The following RPS6KA4 variants were observed in gnomAD, a reference collection of about 807,000 sequenced individuals.
The protein encoded by RPS6KA4 is ribosomal protein S6 kinase alpha-4.
Under a neutral mutation model 89.6 loss-of-function variants are expected in RPS6KA4, and 38 were observed. That is an observed-to-expected ratio of 0.42 (90% CI 0.33 to 0.56). RPS6KA4 has a LOEUF of 0.56. Among genes scored for constraint, RPS6KA4 ranks in the 20% least tolerant of loss-of-function variants. RPS6KA4 has a pLI of 0.07. For missense variants in RPS6KA4, 873 were observed against 1,098.8 expected, an observed-to-expected ratio of 0.79 and a Z score of 2.90; for synonymous variants, 495 against 492.8, an observed-to-expected ratio of 1.00 and a Z score of -0.06.
intron 9 of RPS6KA4, 24 bp from the exon 10 acceptor site, chr11:64,368,108 A>T: frequency 6.2e-7 from 1 of 1,611,460 alleles, no homozygotes; most frequent in Non-Finnish European, 8.5e-7. Context: ...GCCCATGCCC[A>T]TTCCCCGGAC....
Position 64,370,610 on chromosome 11 carries a change from C to T in RPS6KA4, c.2005C>T (p.Arg669Trp), listed in dbSNP as rs1328444508. 8.2e-6 allele frequency: 13 copies of T among 1,584,254 alleles called. No homozygotes were observed. Among genetic ancestry groups the T allele is most frequent in the East Asian group, 4.5e-5 (2 of 44,220 alleles). ...CAAGCGGCTGAAGCTCGAGGGACTG[C>T]GGGGCAGCTCGTGGCTGCAGGACGG... ...PAKRLKLEGL[R>W]GSSWLQDGSA... Residue 669 changes from arginine (R) to tryptophan (W), a missense_variant, in exon 16 of 17, where the codon CGG (arginine) becomes TGG (tryptophan). Coordinates refer to ENST00000334205, the MANE Select transcript of RPS6KA4 (RefSeq NM_003942.3). The surrounding 1 kb of genome is among the most constrained non-coding windows in gnomAD (Gnocchi z 4.1).
At chr11:64,365,051 C>G (rs2036845795) in intron 8 of RPS6KA4, among the ~76,000 whole-genome samples, 1 of 152,200 alleles carries the variant, frequency 6.6e-6, no homozygotes, top group Non-Finnish European at 1.5e-5. Context: ...CCACGCCCGA[C>G]CTTTTCACAC....
intron 2 of RPS6KA4, 91 bp downstream of exon 2, chr11:64,359,540 G>A: frequency 7.3e-7 from 1 of 1,372,100 alleles, no homozygotes; most frequent in South Asian, 1.2e-5. Flanking sequence ...AGGCCACTGA[G>A]CAGGCCCCCC....
intron 10 of RPS6KA4, 100 bp downstream of exon 10, chr11:64,368,360 T>C (rs961455287): frequency 5.2e-6 from 8 of 1,546,380 alleles, no homozygotes; most frequent in Admixed American, 2.0e-5. Context: ...CAGCGTGAGC[T>C]CAGCAAGGTC....
chr11:64,367,734 A>C (rs554944956), intron 9 of RPS6KA4, among the ~76,000 whole-genome samples: 1 of 152,364 alleles, frequency 6.6e-6, no homozygotes, highest in South Asian at 2.1e-4. Flanking sequence ...CTTGCAGAAG[A>C]AGCCAAAGTC....
rs1370126020 is a variant in RPS6KA4 at position 64,368,831 on chromosome 11, A to G, written c.1428+34A>G. On this transcript the variant is annotated intron_variant, in intron 12 of 16. Transcript: ENST00000334205. ...TTCCGGCCAGGGGAGGGCGGAGAGAAAAGGGGCAGGCGGCGGGGCTTGGGG... is the reference window on the plus strand; with the variant it reads ...TTCCGGCCAGGGGAGGGCGGAGAGAGAAGGGGCAGGCGGCGGGGCTTGGGG... The G allele has an allele frequency of 5.8e-6, 9 of 1,539,236 alleles. No homozygotes were observed. In the African/African-American group the frequency reaches 1.2e-4, roughly 21 times the overall value.
intron 2 of RPS6KA4, 70 bp downstream of exon 2, chr11:64,359,519 G>T: frequency 1.3e-6 from 2 of 1,539,432 alleles, no homozygotes; most frequent in Non-Finnish European, 8.9e-7. Context: ...GCTCACTCTT[G>T]GGCCTGGGCC....
Position 64,370,009 on chromosome 11 carries a change from G to C in RPS6KA4, c.1797+116G>C. 1.6e-6 allele frequency: 2 copies of C among 1,221,268 alleles called. No individual in the cohort carries two copies. Among genetic ancestry groups the C allele is most frequent in the Non-Finnish European group, 2.2e-6 (2 of 905,736 alleles). The allele number at this position is 1,221,268 out of a possible 1,614,324, so 75.7% of individuals were successfully genotyped here. A position where few individuals can be genotyped will look rare whatever the true frequency, so the allele number is the denominator to read the frequency against. On this transcript the variant is annotated intron_variant, in intron 14 of 16. Transcript: ENST00000334205. This position sits in a 1 kb window ranked among gnomAD's most constrained non-coding sequence, Gnocchi z 4.1. ...ATCTTGGTGGGGGCGGCTGGGTTTC[G>C]TCCGAAGCTGGGATCGGGGTGGTTC...
rs374476876 is a variant in RPS6KA4 at position 64,361,205 on chromosome 11, G to T, written c.534G>T (p.Thr178=). 6.2e-7 allele frequency: 1 copy of T among 1,613,462 alleles called. No homozygotes were observed. The highest frequency in any genetic ancestry group is 8.5e-7 in the Non-Finnish European group (1 of 1,179,982). Residue 178 remains threonine (T), a synonymous_variant, in exon 5 of 17, where the codon ACG becomes ACT. Coordinates refer to ENST00000334205, the MANE Select transcript of RPS6KA4 (RefSeq NM_003942.3). The surrounding 1 kb of genome is among the most constrained non-coding windows in gnomAD (Gnocchi z 4.7). The part of the protein sequence containing the change: ...LLDSEGHIVL[T]DFGLSKEFLT... ...ACTCCGAGGGCCACATTGTCCTCAC[G>T]GACTTCGGGCTGAGCAAGGAGTTCC... is the stretch of plus-strand genomic sequence containing the variant.
At chr11:64,369,929 G>C in intron 14 of RPS6KA4, 36 bp downstream of exon 14, 1 of 1,482,940 alleles carries the variant, frequency 6.7e-7, no homozygotes, top group Non-Finnish European at 9.0e-7. Flanking sequence ...GGTCAGGGTC[G>C]CTCGGACCTG....
intron 10 of RPS6KA4, 64 bp from the exon 11 acceptor site, chr11:64,368,404 G>A (rs1565072814): frequency 5.2e-6 from 8 of 1,540,556 alleles, no homozygotes; most frequent in Non-Finnish European, 7.0e-6. Context: ...TGGCGGGGCC[G>A]CGGGGCTACC....
intron 8 of RPS6KA4, among the ~76,000 whole-genome samples, chr11:64,363,910 C>A (rs946230222): frequency 6.6e-6 from 1 of 152,168 alleles, no homozygotes; most frequent in Non-Finnish European, 1.5e-5. Context: ...AAAAGTCCAA[C>A]TCAAAATGGT....
Position 64,369,859 on chromosome 11 carries a change from A to T in RPS6KA4, c.1763A>T (p.Glu588Val), listed in dbSNP as rs1242846017. The change falls in exon 14 of 17, where the codon GAG becomes GTG. Residue 588 changes from glutamate (E) to valine (V), a missense_variant. Glu to Val is a moderately radical substitution (Grantham distance 121). Around this residue, in one of 4 missense-constraint regions of RPS6KA4, gnomAD observed 278 missense variants for 284.8 expected, o/e 0.98. Coordinates refer to ENST00000334205, the MANE Select transcript of RPS6KA4 (RefSeq NM_003942.3). ...CTGCTGGCGCAGCAGGGCTACGACG[A>T]GTCCTGCGACCTCTGGAGCCTGGGC... The part of the protein sequence containing the change: ...PELLAQQGYD[E>V]SCDLWSLGVI... 4 of 1,566,892 alleles carry T rather than the reference A, an allele frequency of 2.6e-6. No homozygotes were observed. The highest frequency in any genetic ancestry group is 3.5e-6 in the Non-Finnish European group (4 of 1,156,932).
chr11:64,365,559 G>C, intron 9 of RPS6KA4, 94 bp downstream of exon 9: 2 of 1,419,624 alleles, frequency 1.4e-6, no homozygotes, highest in Non-Finnish European at 1.9e-6. Context: ...CCTAGGCCTT[G>C]TGTCCTGATT....
chr11:64,363,907 C>T (rs2036815446), intron 8 of RPS6KA4, among the ~76,000 whole-genome samples: 2 of 152,056 alleles, frequency 1.3e-5, no homozygotes, highest in Admixed American at 6.6e-5. Flanking sequence ...ACAAAAAGTC[C>T]AACTCAAAAT....
intron 10 of RPS6KA4, 68 bp downstream of exon 10, chr11:64,368,328 G>T (rs1033971776): frequency 1.1e-5 from 17 of 1,576,988 alleles, no homozygotes; most frequent in Non-Finnish European, 1.5e-5. Context: ...GGGACTCTAG[G>T]CCTAGATCCA....
chr11:64,367,118 G>C (rs1428267244), intron 9 of RPS6KA4, among the ~76,000 whole-genome samples: 3 of 152,184 alleles, frequency 2.0e-5, no homozygotes, highest in Non-Finnish European at 1.5e-5. Context: ...ATGACACATA[G>C]TTTATTTTTA....
At chr11:64,366,653 C>A (rs1452854939) in intron 9 of RPS6KA4, among the ~76,000 whole-genome samples, 1 of 152,164 alleles carries the variant, frequency 6.6e-6, no homozygotes, top group Non-Finnish European at 1.5e-5. Flanking sequence ...TACCTCTGTG[C>A]CTTTGCACTT....
At position 64,369,444 on chromosome 11, in the gene RPS6KA4, A is replaced by G; in HGVS notation, c.1429-2A>G. The G allele has an allele frequency of 6.3e-7, 1 of 1,597,326 alleles. No homozygotes were observed. The highest frequency in any genetic ancestry group is 1.1e-5 in the South Asian group (1 of 89,864). Reference sequence around the variant, plus strand: ...GACCTTGGCCCGCCACGCCGCCCGCAGCTGCACACGTACCTGGTCCTGGAG... The same window carrying G: ...GACCTTGGCCCGCCACGCCGCCCGCGGCTGCACACGTACCTGGTCCTGGAG... On this transcript the variant is annotated splice_acceptor_variant, in intron 12 of 16. Transcript: ENST00000334205. LOFTEE classifies it high-confidence loss of function.
Sources: allele counts gnomAD v4.1 joint callset (sites outside exome capture counted in the v4.1 genomes callset), GRCh38; gene constraint gnomAD v4.1.1; regional missense constraint gnomAD v4.1.1; non-coding constraint Gnocchi (gnomAD v3.1); transcripts MANE v1.5; gene names NCBI Gene and HGNC (gene_info 2026-07-23, HGNC 2026-07-21).